The following CAMTA1 variants were observed in gnomAD, a reference collection of about 807,000 sequenced individuals.
The protein encoded by CAMTA1 is calmodulin binding transcription activator 1.
CAMTA1 carries 27 observed loss-of-function variants against 170.9 expected under a neutral mutation model. The observed-to-expected ratio is 0.16, with a 90% CI of 0.12 to 0.22. The LOEUF (loss-of-function observed/expected upper bound fraction) is 0.22. Ranked by LOEUF, CAMTA1 falls within the 10% of genes least tolerant of loss-of-function variation. The pLI, the probability that CAMTA1 is intolerant of heterozygous loss-of-function variation, is 1.00. For missense variants in CAMTA1, 1,619 were observed against 2,217.2 expected (o/e 0.73, Z 5.42); for synonymous variants, 833 against 891.5 (o/e 0.93, Z 1.17).
chr1:6,932,632 T>G (rs947972620), intron 3 of CAMTA1, among the ~76,000 whole-genome samples: 3 of 152,240 alleles, frequency 2.0e-5, no homozygotes, highest in African/African-American at 7.2e-5. Flanking sequence ...GAGTTCCAGT[T>G]TCTCTACATC....
chr1:6,877,096 G>C (rs1670111692), intron 3 of CAMTA1, among the ~76,000 whole-genome samples: 1 of 152,200 alleles, frequency 6.6e-6, no homozygotes. Flanking sequence ...TGAGAGTTGG[G>C]ATGGCGGAGA....
intron 5 of CAMTA1, among the ~76,000 whole-genome samples, chr1:7,288,827 C>T (rs759731013): frequency 1.3e-5 from 2 of 152,044 alleles, no homozygotes; most frequent in Admixed American, 6.6e-5. Flanking sequence ...TTGGTATTAG[C>T]GGGAGAGTTG....
Position 7,585,775 on chromosome 1 carries a change from G to C in CAMTA1, c.511-54625G>C, listed in dbSNP as rs971500667. The stretch of plus-strand genomic sequence containing the variant: ...GGCTCTCTTGTGGACAGACAGGCCA[G>C]AGACACGGCTCATCTGTCCCTCATC... On this transcript the variant is annotated intron_variant, in intron 6 of 22. Transcript: ENST00000303635. The surrounding 1 kb of genome is among the most constrained non-coding windows in gnomAD (Gnocchi z 4.8). 6.6e-6 allele frequency among the ~76,000 whole-genome samples: 1 copy of C among 150,992 alleles called. No homozygotes were observed. The highest frequency in any genetic ancestry group is 2.5e-5 in the African/African-American group (1 of 40,340).
intron 22 of CAMTA1, among the ~76,000 whole-genome samples, chr1:7,758,750 A>C (rs1466414410): frequency 6.6e-6 from 1 of 152,058 alleles, no homozygotes; most frequent in African/African-American, 2.4e-5. Context: ...CCTGGCTAAC[A>C]TGGTGAAACC....
chr1:6,986,313 G>T (rs1246354269), intron 3 of CAMTA1, among the ~76,000 whole-genome samples: 1 of 152,174 alleles, frequency 6.6e-6, no homozygotes, highest in East Asian at 1.9e-4. Context: ...TCTCCTATTA[G>T]CAAGAGGAGT....
At position 7,010,221 on chromosome 1, in the gene CAMTA1, G is replaced by A. The variant is rs1017708147; in HGVS notation, c.235-81083G>A. Among the ~76,000 whole-genome samples the A allele has an allele frequency of 2.6e-5, 4 of 152,206 alleles. No individual in the cohort carries two copies. The highest frequency in any genetic ancestry group is 4.4e-5 in the Non-Finnish European group (3 of 68,036). On this transcript the variant is annotated intron_variant, in intron 3 of 22. Transcript: ENST00000303635. The surrounding 1 kb of genome is among the most constrained non-coding windows in gnomAD (Gnocchi z 4.4). ...AAGCTTCAGTCCAGAGAAGACAGAG[G>A]ACTTGACTGAGCTCATGGTCAGGGA...
intron 3 of CAMTA1, among the ~76,000 whole-genome samples, chr1:6,904,733 A>ATTTTTTTTTTT (rs70984036): frequency 2.8e-5 from 2 of 70,994 alleles, no homozygotes; most frequent in Non-Finnish European, 4.8e-5. Context: ...TGCCCAGCTA[A>ATTTTTTTTTTT]TTTTTTTTTT....
chr1:7,469,995 C>T (rs1169278526), intron 6 of CAMTA1, among the ~76,000 whole-genome samples: 1 of 152,216 alleles, frequency 6.6e-6, no homozygotes, highest in African/African-American at 2.4e-5. Flanking sequence ...GTGTCTGGTT[C>T]GTTACCTCCC....
rs180999877 is a variant in CAMTA1, at chr1:7,179,367, A to C, written c.303-70124A>C. Among the ~76,000 whole-genome samples the C allele has an allele frequency of 5.3e-5, 8 of 152,360 alleles. No individual in the cohort carries two copies. The East Asian group carries it at 1.5e-3, about 29-fold the overall frequency. ...CAGCACAAGGCAGATGAAGTGGAAAAAAATAACAATGGAATCAAGAAGATA... is the reference window on the plus strand; with the variant it reads ...CAGCACAAGGCAGATGAAGTGGAAACAAATAACAATGGAATCAAGAAGATA... On this transcript the variant is annotated intron_variant, in intron 4 of 22. Coordinates refer to ENST00000303635, the MANE Select transcript of CAMTA1 (RefSeq NM_015215.4).
chr1:7,277,394 G>A (rs1025021866), intron 5 of CAMTA1, among the ~76,000 whole-genome samples: 2 of 151,662 alleles, frequency 1.3e-5, no homozygotes, highest in Non-Finnish European at 2.9e-5. Flanking sequence ...AGATTTCAGG[G>A]TTCAGTTTCT....
chr1:7,749,419 G>A (rs2096879862), intron 19 of CAMTA1, among the ~76,000 whole-genome samples: 1 of 152,232 alleles, frequency 6.6e-6, no homozygotes, highest in African/African-American at 2.4e-5. Context: ...CTATAGCAGG[G>A]AGCCGCACTG....
At chr1:7,622,097 G>C (rs1051871080) in intron 6 of CAMTA1, among the ~76,000 whole-genome samples, 16 of 152,226 alleles carry the variant, frequency 1.1e-4, no homozygotes, top group Non-Finnish European at 1.8e-4. Flanking sequence ...GGAGGTATGG[G>C]GGGAGGAGGA....
At chr1:7,600,031 G>A (rs577763807) in intron 6 of CAMTA1, among the ~76,000 whole-genome samples, 17 of 152,312 alleles carry the variant, frequency 1.1e-4, no homozygotes, top group African/African-American at 4.1e-4. Context: ...TTCTCAAAGG[G>A]AATGCTTCCA....
At chr1:7,288,258 C>T (rs1672630808) in intron 5 of CAMTA1, among the ~76,000 whole-genome samples, 1 of 152,188 alleles carries the variant, frequency 6.6e-6, no homozygotes, top group Non-Finnish European at 1.5e-5. Flanking sequence ...ACAGTTCATT[C>T]CCACACAAAG....
Position 7,499,343 on chromosome 1 carries a change from G to A in CAMTA1, c.510+31442G>A, listed in dbSNP as rs1430853398. Among the ~76,000 whole-genome samples, 55 of 147,294 alleles carry A rather than the reference G, an allele frequency of 3.7e-4. 1 individual carries two copies. Among genetic ancestry groups the A allele is most frequent in the African/African-American group, 1.4e-3 (53 of 39,120 alleles). On this transcript the variant is annotated intron_variant, in intron 6 of 22. Transcript: ENST00000303635. Reference sequence around the variant, plus strand: ...GCATGTGTGTACATGTGTGTAGAGAGGATTGTGTGAGCCTGGTGTGCGTGT... The same window carrying A: ...GCATGTGTGTACATGTGTGTAGAGAAGATTGTGTGAGCCTGGTGTGCGTGT...
At chr1:6,945,816 T>C (rs1269635526) in intron 3 of CAMTA1, among the ~76,000 whole-genome samples, 1 of 152,258 alleles carries the variant, frequency 6.6e-6, no homozygotes, top group Non-Finnish European at 1.5e-5. Context: ...TCATCCATGT[T>C]GTAGCGTGTA....
chr1:6,884,875 T>C (rs1672750916), intron 3 of CAMTA1, among the ~76,000 whole-genome samples: 1 of 152,236 alleles, frequency 6.6e-6, no homozygotes. Flanking sequence ...ACTGTGTTGC[T>C]TTCCTATCTT....
At chr1:7,658,361 T>A (rs74053160) in intron 7 of CAMTA1, among the ~76,000 whole-genome samples, 180 of 152,212 alleles carry the variant, frequency 1.2e-3, no homozygotes, top group African/African-American at 4.0e-3. Flanking sequence ...GAGACAGAGC[T>A]GCGTGTTCTC....
chr1:7,120,345 C>T (rs1381411164), intron 4 of CAMTA1, among the ~76,000 whole-genome samples: 1 of 152,186 alleles, frequency 6.6e-6, no homozygotes, highest in African/African-American at 2.4e-5. Flanking sequence ...GGTGTCCAAG[C>T]TCACATAGGC....
Sources: gnomAD v4.1 joint callset for allele counts (sites outside exome capture counted in the v4.1 genomes callset) on GRCh38, gnomAD v4.1.1 for gene constraint, Gnocchi (gnomAD v3.1) non-coding constraint, MANE v1.5 for transcripts, NCBI Gene and HGNC (gene_info 2026-07-23, HGNC 2026-07-21) for gene names.